GLRA3: variants seen among roughly 807,000 people sequenced by gnomAD.
GLRA3 encodes glycine receptor subunit alpha-3.
In GLRA3, 44 loss-of-function variants were observed where a neutral mutation model predicts 60.4. The observed-to-expected ratio is 0.73, with a 90% confidence interval of 0.57 to 0.94. The LOEUF (loss-of-function observed/expected upper bound fraction) is 0.94. Among genes scored for constraint, GLRA3 ranks in the 40% least tolerant of loss-of-function variants. GLRA3 has a pLI of 0.00. For missense variants in GLRA3, 508 were observed against 564.6 expected (o/e 0.90, Z 1.02); for synonymous variants, 223 against 192.9 (o/e 1.16, Z -1.29).
At chr4:174,653,651 A>T (rs1733098130) in intron 9 of GLRA3, among the ~76,000 whole-genome samples, 2 of 152,030 alleles carry the variant, frequency 1.3e-5, no homozygotes. Flanking sequence ...CAATGGAATG[A>T]TTTATTTAAA....
chr4:174,748,953 T>C (rs1443593551), intron 3 of GLRA3, among the ~76,000 whole-genome samples: 3 of 152,176 alleles, frequency 2.0e-5, no homozygotes, highest in Non-Finnish European at 2.9e-5. Flanking sequence ...AAAGCCATGA[T>C]CTGCTCATTC....
intron 3 of GLRA3, among the ~76,000 whole-genome samples, chr4:174,755,660 T>C (rs1465715345): frequency 6.6e-6 from 1 of 152,016 alleles, no homozygotes; most frequent in African/African-American, 2.4e-5. Context: ...TTCTTAAATA[T>C]AGAAGTATAA....
At chr4:174,828,716 G>A (rs752428196) in intron 1 of GLRA3, 25 bp downstream of exon 1, 2 of 1,488,772 alleles carry the variant, frequency 1.3e-6, no homozygotes, top group Admixed American at 1.7e-5. Flanking sequence ...TGAGTTCTCC[G>A]ACTGTTAAAT....
intron 3 of GLRA3, among the ~76,000 whole-genome samples, chr4:174,744,414 A>G (rs771989262): frequency 6.6e-6 from 1 of 152,096 alleles, no homozygotes; most frequent in Non-Finnish European, 1.5e-5. Flanking sequence ...CACATTCGAA[A>G]CCCTGCTACC....
intron 9 of GLRA3, among the ~76,000 whole-genome samples, chr4:174,646,757 C>T (rs1242716706): frequency 1.3e-5 from 2 of 152,114 alleles, no homozygotes; most frequent in African/African-American, 2.4e-5. Flanking sequence ...GCCTCACATC[C>T]TCCTAGGGGG....
chr4:174,770,607 ATG>A (rs10559299), intron 2 of GLRA3, among the ~76,000 whole-genome samples: 113,272 of 151,708 alleles, frequency 0.75, 42,651 homozygotes, highest in East Asian at 1. Flanking sequence ...AAACATAGGA[ATG>A]TCTAGAACAC....
At chr4:174,805,857 T>C (rs1740028831) in intron 1 of GLRA3, among the ~76,000 whole-genome samples, 3 of 152,172 alleles carry the variant, frequency 2.0e-5, no homozygotes, top group Admixed American at 2.0e-4. Context: ...AATGTTTCAG[T>C]GATGCTATTT....
intron 7 of GLRA3, among the ~76,000 whole-genome samples, chr4:174,675,959 A>T (rs1347318772): frequency 2.0e-5 from 3 of 152,176 alleles, no homozygotes; most frequent in African/African-American, 4.8e-5. Flanking sequence ...TAGCAAGAAG[A>T]TAGCATCAAA....
chr4:174,670,683 C>A (rs577982600), intron 7 of GLRA3, among the ~76,000 whole-genome samples: 2 of 152,110 alleles, frequency 1.3e-5, no homozygotes, highest in Non-Finnish European at 2.9e-5. Flanking sequence ...CTGTCTCTAT[C>A]TCAAGTACAG....
At chr4:174,729,970 T>C (rs1449969516) in intron 3 of GLRA3, among the ~76,000 whole-genome samples, 3 of 152,208 alleles carry the variant, frequency 2.0e-5, no homozygotes, top group African/African-American at 7.2e-5. Context: ...GTACTGAATG[T>C]TACAAATCTG....
chr4:174,811,448 A>C (rs1456017489), intron 1 of GLRA3, among the ~76,000 whole-genome samples: 2 of 152,100 alleles, frequency 1.3e-5, no homozygotes, highest in Admixed American at 6.6e-5. Flanking sequence ...CATTTTTGCC[A>C]AAGGGAATTT....
At chr4:174,777,963 T>C (rs1738672409) in intron 2 of GLRA3, among the ~76,000 whole-genome samples, 1 of 152,190 alleles carries the variant, frequency 6.6e-6, no homozygotes, top group African/African-American at 2.4e-5. Context: ...TTTATTTTAT[T>C]TTGTTTTTCA....
intron 5 of GLRA3, among the ~76,000 whole-genome samples, chr4:174,714,722 A>G (rs572502836): frequency 1.3e-5 from 2 of 152,308 alleles, no homozygotes; most frequent in East Asian, 3.9e-4. Context: ...TACTGTCATA[A>G]GGTAAAATAT....
intron 5 of GLRA3, among the ~76,000 whole-genome samples, chr4:174,706,297 C>T (rs766670189): frequency 6.6e-6 from 1 of 151,912 alleles, no homozygotes; most frequent in Non-Finnish European, 1.5e-5. Context: ...GTCAAGCTAT[C>T]GATAAATCTT....
At chr4:174,666,377 G>A (rs1733662990) in intron 7 of GLRA3, among the ~76,000 whole-genome samples, 1 of 151,978 alleles carries the variant, frequency 6.6e-6, no homozygotes, top group Non-Finnish European at 1.5e-5. Context: ...CCCAGGTGAA[G>A]CAAAACTATT....
At chr4:174,717,422 CA>C (rs1178135441) in intron 4 of GLRA3, among the ~76,000 whole-genome samples, 1 of 152,048 alleles carries the variant, frequency 6.6e-6, no homozygotes, top group Non-Finnish European at 1.5e-5. Flanking sequence ...TAAGCTTTAA[CA>C]AAAAATAGTC....
intron 5 of GLRA3, among the ~76,000 whole-genome samples, chr4:174,709,203 G>A (rs1735621412): frequency 6.6e-6 from 1 of 152,006 alleles, no homozygotes; most frequent in South Asian, 2.1e-4. Context: ...ATCTAATCCT[G>A]AGAAGGAAGG....
chr4:174,812,296 T>A (rs921529083), intron 1 of GLRA3, among the ~76,000 whole-genome samples: 1 of 152,160 alleles, frequency 6.6e-6, no homozygotes, highest in Admixed American at 6.5e-5. Flanking sequence ...AAAACAGATG[T>A]ACACAGATAT....
chr4:174,690,335 C>T (rs1326440703), intron 5 of GLRA3, among the ~76,000 whole-genome samples: 1 of 152,066 alleles, frequency 6.6e-6, no homozygotes, highest in Non-Finnish European at 1.5e-5. Flanking sequence ...AATTATGGCT[C>T]AATTCTGAGA....
Sources: gnomAD v4.1 joint callset for allele counts (sites outside exome capture counted in the v4.1 genomes callset) on GRCh38, gnomAD v4.1.1 for gene constraint, MANE v1.5 for transcripts, NCBI Gene and HGNC (gene_info 2026-07-23, HGNC 2026-07-21) for gene names.